Variants in WIPI1 observed in about 807,000 individuals in gnomAD.
WIPI1 encodes the protein WD repeat domain, phosphoinositide interacting 1.
Under a neutral mutation model 55.3 loss-of-function variants are expected in WIPI1, and 45 were observed. The ratio of observed to expected loss-of-function variants is 0.81; its 90% confidence interval spans 0.64 to 1.04. The LOEUF (loss-of-function observed/expected upper bound fraction) is 1.04, where lower values mean the gene tolerates loss of function less well. Among genes scored for constraint, WIPI1 ranks in the 50% least tolerant of loss-of-function variants. WIPI1 has a pLI of 0.00. For synonymous variants in WIPI1, 195 were observed against 217.6 expected (o/e 0.90, Z 0.92); for missense variants, 445 against 559.0 (o/e 0.80, Z 2.06).
intron 9 of WIPI1, among the ~76,000 whole-genome samples, chr17:68,429,226 G>A (rs1335995420): frequency 1.3e-5 from 2 of 152,166 alleles, no homozygotes; most frequent in Non-Finnish European, 2.9e-5. Flanking sequence ...CTCCCTACAT[G>A]GGACGCAGTC....
chr17:68,425,850 G>T (rs778700565), intron 12 of WIPI1: 48 of 463,784 alleles, frequency 1.0e-4, no homozygotes, highest in African/African-American at 7.7e-4. Flanking sequence ...ATTAGTATTC[G>T]GTGACTCTAA....
chr17:68,421,739 G>A lies in WIPI1; in HGVS notation c.*34C>T, dbSNP rs1299377578. 1.2e-6 allele frequency: 2 copies of A among 1,614,080 alleles called. No individual in the cohort carries two copies. Among genetic ancestry groups the A allele is most frequent in the African/African-American group, 1.3e-5 (1 of 75,042 alleles). ...TGTTTTCTCCAAAACCACCTGATAG[G>A]GGGGATGTCCTGATTTCTGAGGTGT... On this transcript the variant is annotated 3_prime_UTR_variant, in exon 13 of 13. Transcript: ENST00000262139.
Position 68,430,060 on chromosome 17 carries a change from C to T in WIPI1, c.901G>A (p.Asp301Asn). The T allele has an allele frequency of 6.2e-7, 1 of 1,614,188 alleles. No individual in the cohort carries two copies. Among genetic ancestry groups the T allele is most frequent in the Non-Finnish European group, 8.5e-7 (1 of 1,180,036 alleles). ...AAGCGTGCAGTGGCAAAAGCCCTGTCCTGATGCATCATGTCTGACACCTGG... is the reference window on the plus strand; with the variant it reads ...AAGCGTGCAGTGGCAAAAGCCCTGTTCTGATGCATCATGTCTGACACCTGG... The part of the protein sequence containing the change: ...PTQVSDMMHQ[D>N]RAFATARLNF... Residue 301 changes from aspartate (D) to asparagine (N), a missense_variant, in exon 9 of 13, where the codon GAC becomes AAC. Asp to Asn is a conservative substitution (Grantham distance 23, BLOSUM62 1). Coordinates refer to ENST00000262139, the MANE Select transcript of WIPI1 (RefSeq NM_017983.7).
intron 5 of WIPI1, among the ~76,000 whole-genome samples, chr17:68,435,945 C>T (rs760642506): frequency 7.2e-5 from 11 of 152,254 alleles, no homozygotes; most frequent in East Asian, 1.9e-4. Context: ...AAGGTGGCCA[C>T]GAACGGAGCA....
intron 12 of WIPI1, among the ~76,000 whole-genome samples, chr17:68,425,070 G>A (rs1355248120): frequency 6.6e-6 from 1 of 152,176 alleles, no homozygotes; most frequent in Non-Finnish European, 1.5e-5. Flanking sequence ...GATGGAAGAA[G>A]CCACGCCCAG....
intron 12 of WIPI1, 79 bp from the exon 13 acceptor site, chr17:68,421,899 C>T: frequency 6.3e-7 from 1 of 1,583,034 alleles, no homozygotes; most frequent in Non-Finnish European, 8.7e-7. Flanking sequence ...CAGGTCTGTG[C>T]CCATGCAGAG....
intron 6 of WIPI1, among the ~76,000 whole-genome samples, chr17:68,434,923 C>T (rs563698879): frequency 4.9e-4 from 74 of 152,140 alleles, no homozygotes; most frequent in Non-Finnish European, 5.6e-4. Flanking sequence ...AATTTGAGGC[C>T]GGGTGTGGTG....
At chr17:68,429,965 T>C in intron 9 of WIPI1, 31 bp downstream of exon 9, 2 of 1,613,134 alleles carry the variant, frequency 1.2e-6, no homozygotes, top group Non-Finnish European at 1.7e-6. Flanking sequence ...GAAAGTGTGG[T>C]CTTGTTCAGA....
chr17:68,445,731 CA>C (rs1203912154), intron 3 of WIPI1, among the ~76,000 whole-genome samples: 1 of 152,216 alleles, frequency 6.6e-6, no homozygotes, highest in Non-Finnish European at 1.5e-5. Context: ...TAGCCCAGTA[CA>C]AGGGCAGACA....
intron 3 of WIPI1, among the ~76,000 whole-genome samples, chr17:68,445,453 C>A (rs775925265): frequency 5.3e-5 from 8 of 152,224 alleles, no homozygotes; most frequent in Non-Finnish European, 1.0e-4. Flanking sequence ...TCCTCCAGGC[C>A]TGCTTTTGGG....
intron 12 of WIPI1, chr17:68,424,693 T>C: frequency 8.7e-6 from 3 of 342,952 alleles, no homozygotes; most frequent in African/African-American, 2.2e-5. Context: ...GTGACCAACA[T>C]GGTGAAACCC....
At chr17:68,452,868 G>T in intron 2 of WIPI1, 42 bp downstream of exon 2, 5 of 1,577,928 alleles carry the variant, frequency 3.2e-6, no homozygotes, top group Non-Finnish European at 3.5e-6. Flanking sequence ...GGAGGCTCTG[G>T]TTCTCCTGCA....
chr17:68,440,928 G>A (rs978330331), intron 4 of WIPI1: 1 of 152,212 alleles, frequency 6.6e-6, no homozygotes, highest in Non-Finnish European at 1.5e-5. Flanking sequence ...TCTTTGTACA[G>A]CAAATGCCCT....
At position 68,432,179 on chromosome 17, in the gene WIPI1, AG is replaced by A. The variant is rs553176977; in HGVS notation, c.800+1288del. Among the ~76,000 whole-genome samples, 24 of 152,312 alleles carry A rather than the reference AG, an allele frequency of 1.6e-4. No homozygotes were observed. In the South Asian group the frequency reaches 4.8e-3, roughly 30 times the overall value. On this transcript the variant is annotated intron_variant, in intron 8 of 12. Coordinates refer to ENST00000262139, the MANE Select transcript of WIPI1 (RefSeq NM_017983.7). Reference sequence around the variant, plus strand: ...GTTCTGGAAAGATGAAGGAGCGAGAAGGGAGCCGCCCCCAGTGTTTCATACA... The same window carrying A: ...GTTCTGGAAAGATGAAGGAGCGAGAAGGAGCCGCCCCCAGTGTTTCATACA...
At chr17:68,432,311 T>G (rs1347739360) in intron 8 of WIPI1, among the ~76,000 whole-genome samples, 1 of 152,196 alleles carries the variant, frequency 6.6e-6, no homozygotes, top group East Asian at 1.9e-4. Context: ...GTGGGCTTGC[T>G]TTAATCACAC....
intron 8 of WIPI1, among the ~76,000 whole-genome samples, chr17:68,432,128 C>T (rs2083556741): frequency 6.6e-6 from 1 of 152,116 alleles, no homozygotes; most frequent in East Asian, 1.9e-4. Flanking sequence ...CTTTGGGTTA[C>T]ACCTGTGCAG....
chr17:68,421,667 G>T lies in WIPI1; in HGVS notation c.*106C>A. The T allele has an allele frequency of 1.3e-6, 2 of 1,511,272 alleles. No homozygotes were observed. The highest frequency in any genetic ancestry group is 1.8e-6 in the Non-Finnish European group (2 of 1,089,644). 93.6% of individuals were successfully genotyped at this position (1,511,272 alleles called of 1,614,324 possible). On this transcript the variant is annotated 3_prime_UTR_variant, in exon 13 of 13. Coordinates refer to ENST00000262139, the MANE Select transcript of WIPI1 (RefSeq NM_017983.7). ...AAGCAGTGGAGCACCCGGGATTCCT[G>T]CCCCCCTTTCTGCTCACACAATTGC... is the stretch of plus-strand genomic sequence containing the variant.
intron 5 of WIPI1, among the ~76,000 whole-genome samples, chr17:68,435,949 C>T (rs1436276482): frequency 6.6e-6 from 1 of 152,244 alleles, no homozygotes; most frequent in African/African-American, 2.4e-5. Flanking sequence ...TGGCCACGAA[C>T]GGAGCACCTG....
intron 1 of WIPI1, 133 bp downstream of exon 1, chr17:68,457,209 C>A (rs941538450): frequency 9.5e-7 from 1 of 1,050,152 alleles, no homozygotes; most frequent in South Asian, 1.5e-5. Flanking sequence ...GATCCCAATG[C>A]GTCCGAAGCA....
Sources: allele counts gnomAD v4.1 joint callset (sites outside exome capture counted in the v4.1 genomes callset), GRCh38; gene constraint gnomAD v4.1.1; transcripts MANE v1.5; gene names NCBI Gene and HGNC (gene_info 2026-07-23, HGNC 2026-07-21).